DPP6: variants seen among roughly 807,000 people sequenced by gnomAD.
DPP6 encodes the protein A-type potassium channel modulatory protein DPP6.
A neutral mutation model predicts 122.6 loss-of-function variants in DPP6; 69 were observed. That is an observed-to-expected ratio of 0.56 (90% CI 0.46 to 0.69). The LOEUF (loss-of-function observed/expected upper bound fraction) is 0.69, where lower values mean the gene tolerates loss of function less well. DPP6 is among the 30% of genes least tolerant of loss of function. The probability of loss-of-function intolerance (pLI) is 0.00; values close to 1 mark genes in which losing one functional copy is unlikely to be tolerated. For missense variants in DPP6, 928 were observed against 1,116.9 expected, an observed-to-expected ratio of 0.83 and a Z score of 2.41; for synonymous variants, 418 against 433.1, an observed-to-expected ratio of 0.97 and a Z score of 0.43.
chr7:154,813,190 C>T (rs748413456), intron 16 of DPP6, among the ~76,000 whole-genome samples: 1 of 151,856 alleles, frequency 6.6e-6, no homozygotes, highest in Non-Finnish European at 1.5e-5. Context: ...ACGCCATTCT[C>T]CTGCCTCAGC....
intron 7 of DPP6, among the ~76,000 whole-genome samples, chr7:154,711,824 T>A (rs1841198771): frequency 6.6e-6 from 1 of 152,146 alleles, no homozygotes. Context: ...AGCCCCCTCT[T>A]TAGCTATTTG....
At chr7:154,647,161 G>C (rs1456591762) in intron 6 of DPP6, among the ~76,000 whole-genome samples, 1 of 152,174 alleles carries the variant, frequency 6.6e-6, no homozygotes, top group Non-Finnish European at 1.5e-5. Context: ...GCAAGAATGT[G>C]TGTGCTGGGG....
chr7:153,806,518 C>T, the DPP6 span, among the ~76,000 whole-genome samples: 1 of 151,434 alleles, frequency 6.6e-6, no homozygotes, highest in Non-Finnish European at 1.5e-5. Flanking sequence ...AGTCTAAGCT[C>T]CTGCAATTCA....
At position 154,648,255 on chromosome 7, in the gene DPP6, C is replaced by CAA. The variant is rs1836630653; in HGVS notation, c.680+10385_680+10386dup. 4.1e-5 allele frequency among the ~76,000 whole-genome samples: 6 copies of CAA among 144,670 alleles called. No homozygotes were observed. The South Asian group carries it at 1.1e-3, about 27-fold the overall frequency. 94.9% of individuals were successfully genotyped at this position (144,670 alleles called of 152,430 possible). A position where few individuals can be genotyped will look rare whatever the true frequency, so the allele number is the denominator to read the frequency against. ...TGCACTCTAGCCTGGGCAACAAGAGCAAAACTCTGTCTAAAAAAAAAAAAA... is the reference window on the plus strand; with the variant it reads ...TGCACTCTAGCCTGGGCAACAAGAGCAAAAAACTCTGTCTAAAAAAAAAAAAA... On this transcript the variant is annotated intron_variant, in intron 6 of 25. Coordinates refer to ENST00000377770, the MANE Select transcript of DPP6 (RefSeq NM_130797.4).
At chr7:154,061,427 C>T (rs1448351323) in intron 1 of DPP6, among the ~76,000 whole-genome samples, 7 of 146,608 alleles carry the variant, frequency 4.8e-5, no homozygotes, top group Admixed American at 3.4e-4. Flanking sequence ...CGGTAGCCTA[C>T]ATCTCTAAAC....
chr7:154,608,624 C>T (rs1233810101), intron 5 of DPP6, among the ~76,000 whole-genome samples: 3 of 151,930 alleles, frequency 2.0e-5, no homozygotes, highest in Non-Finnish European at 4.4e-5. Flanking sequence ...GGCTGAGCCA[C>T]TGCGCCCGGC....
chr7:154,596,991 C>G (rs1833131415), intron 5 of DPP6, among the ~76,000 whole-genome samples: 1 of 152,144 alleles, frequency 6.6e-6, no homozygotes. Flanking sequence ...AATAAACTGT[C>G]TCAGTATCAT....
chr7:153,951,696 CAAG>C (rs1402349882), intron 1 of DPP6, among the ~76,000 whole-genome samples: 3 of 152,140 alleles, frequency 2.0e-5, no homozygotes, highest in Non-Finnish European at 4.4e-5. Context: ...ACACCAAACA[CAAG>C]AAGTTTTCCC....
At chr7:154,880,454 G>A (rs1423784264) in intron 20 of DPP6, among the ~76,000 whole-genome samples, 1 of 152,252 alleles carries the variant, frequency 6.6e-6, no homozygotes, top group Non-Finnish European at 1.5e-5. Flanking sequence ...GCTTGACTCT[G>A]AGCCCAGAAG....
chr7:153,899,199 C>G lies in DPP6; in HGVS notation c.51+11465C>G, dbSNP rs1437731408. 2.6e-5 allele frequency among the ~76,000 whole-genome samples: 4 copies of G among 151,552 alleles called. No individual in the cohort carries two copies. The East Asian group carries it at 5.8e-4, about 22-fold the overall frequency. ...TTCTCCTCTTCCTCTTCCTTCTCCT[C>G]CTCCTCCTCCTCCTTCTCCTCCTCC... On this transcript the variant is annotated intron_variant, in intron 1 of 25. Transcript: ENST00000404039.
chr7:153,942,436 G>C (rs1373657994), intron 1 of DPP6, among the ~76,000 whole-genome samples: 1 of 152,218 alleles, frequency 6.6e-6, no homozygotes, highest in Non-Finnish European at 1.5e-5. Context: ...GGTGTGGACA[G>C]GTGGCCCTCA....
At chr7:154,248,892 G>A (rs1403478231) in intron 1 of DPP6, among the ~76,000 whole-genome samples, 1 of 152,016 alleles carries the variant, frequency 6.6e-6, no homozygotes, top group Non-Finnish European at 1.5e-5. Context: ...AAAAGGCATT[G>A]AACTGTACAT....
chr7:154,579,707 G>A lies in DPP6; in HGVS notation c.627+12791G>A, dbSNP rs370715214. ...GCCCAAAGTGCAGGAGTGACAGAGA[G>A]GAACAGAGGCAGATGGGCAGCAGGG... is the stretch of plus-strand genomic sequence containing the variant. On this transcript the variant is annotated intron_variant, in intron 5 of 25. Transcript: ENST00000377770. 7.0e-3 allele frequency among the ~76,000 whole-genome samples: 1,071 copies of A among 152,270 alleles called. 11 individuals are homozygous for A. The highest frequency in any genetic ancestry group is 0.012 in the South Asian group (60 of 4,824).
upstream of DPP6, among the ~76,000 whole-genome samples, chr7:154,048,731 A>G (rs1800144451): frequency 9.9e-6 from 1 of 100,756 alleles, no homozygotes; most frequent in Non-Finnish European, 2.3e-5. Context: ...GCACCCAGAG[A>G]AAAGGGAAGT....
chr7:154,129,378 C>G (rs1808190866), intron 1 of DPP6, among the ~76,000 whole-genome samples: 1 of 151,906 alleles, frequency 6.6e-6, no homozygotes, highest in Non-Finnish European at 1.5e-5. Context: ...GACCAGAGTT[C>G]ATTTTTAGAG....
chr7:154,328,125 A>C (rs920200707), intron 1 of DPP6, among the ~76,000 whole-genome samples: 1 of 152,158 alleles, frequency 6.6e-6, no homozygotes, highest in Non-Finnish European at 1.5e-5. Flanking sequence ...ATAGCCAGAG[A>C]CTAAAAGAAA....
At chr7:154,832,969 G>T (rs1800749676) in intron 16 of DPP6, among the ~76,000 whole-genome samples, 1 of 152,236 alleles carries the variant, frequency 6.6e-6, no homozygotes, top group African/African-American at 2.4e-5. Context: ...CTTTCTTTGG[G>T]ACCCAATATT....
chr7:154,639,797 G>A (rs191381204), intron 6 of DPP6, among the ~76,000 whole-genome samples: 13 of 152,252 alleles, frequency 8.5e-5, no homozygotes, highest in Admixed American at 7.8e-4. Context: ...AATGCCCCTG[G>A]TTTATTGGTT....
In DPP6 at chr7:154,872,799, A is replaced by C. The variant is rs1383138469; in HGVS notation, c.1883+106A>C. The C allele has an allele frequency of 3.9e-6, 6 of 1,534,350 alleles. No homozygotes were observed. The East Asian group carries it at 1.2e-4, about 31-fold the overall frequency. Reference sequence around the variant, plus strand: ...TAAGAAAAGATAAGCAGGAGAAATGACATTGTTGCAAACTGAAAACATAAC... The same window carrying C: ...TAAGAAAAGATAAGCAGGAGAAATGCCATTGTTGCAAACTGAAAACATAAC... On this transcript the variant is annotated intron_variant, in intron 19 of 25. Transcript: ENST00000377770.
Sources: gnomAD v4.1 joint callset for allele counts (sites outside exome capture counted in the v4.1 genomes callset) on GRCh38, gnomAD v4.1.1 for gene constraint, MANE v1.5 for transcripts, NCBI Gene and HGNC (gene_info 2026-07-23, HGNC 2026-07-21) for gene names.